The following SPAG17 variants were observed in gnomAD, a reference collection of about 807,000 sequenced individuals.
SPAG17 encodes sperm-associated antigen 17.
A neutral mutation model predicts 273.6 loss-of-function variants in SPAG17; 169 were observed. The ratio of observed to expected loss-of-function variants is 0.62; its 90% CI spans 0.55 to 0.70. The LOEUF (loss-of-function observed/expected upper bound fraction) is 0.70, where lower values mean the gene tolerates loss of function less well. Ranked by LOEUF, SPAG17 falls within the 30% of genes least tolerant of loss-of-function variation. The pLI, the probability that SPAG17 is intolerant of heterozygous loss-of-function variation, is 0.00. For synonymous variants in SPAG17, 825 were observed against 873.2 expected (o/e 0.94, Z 0.97); for missense variants, 2,557 against 2,627.8 (o/e 0.97, Z 0.59).
chr1:118,065,378 T>C (rs776683428), intron 18 of SPAG17, among the ~76,000 whole-genome samples: 4 of 152,122 alleles, frequency 2.6e-5, no homozygotes. Flanking sequence ...CAAAGGAACA[T>C]ATACCTTAAT....
At chr1:118,022,074 C>A (rs1660550576) in intron 28 of SPAG17, among the ~76,000 whole-genome samples, 1 of 151,974 alleles carries the variant, frequency 6.6e-6, no homozygotes, top group Non-Finnish European at 1.5e-5. Flanking sequence ...AGATTTAAAT[C>A]TAGATCATTA....
chr1:118,184,365 T>G (rs1371232301), intron 1 of SPAG17, among the ~76,000 whole-genome samples: 1 of 152,150 alleles, frequency 6.6e-6, no homozygotes, highest in East Asian at 1.9e-4. Flanking sequence ...GCTATTGGGC[T>G]CCTCATTTAC....
chr1:118,063,623 A>G (rs1200118314), intron 18 of SPAG17, among the ~76,000 whole-genome samples: 1 of 152,234 alleles, frequency 6.6e-6, no homozygotes, highest in Non-Finnish European at 1.5e-5. Context: ...ACCTAAAACC[A>G]TAAAAACCCT....
At chr1:118,089,029 G>A (rs1180366438) in intron 10 of SPAG17, among the ~76,000 whole-genome samples, 1 of 152,172 alleles carries the variant, frequency 6.6e-6, no homozygotes, top group African/African-American at 2.4e-5. Context: ...CTGCTTGCAT[G>A]GAGTTTATAT....
At chr1:118,118,323 G>A (rs1657211436) in intron 3 of SPAG17, among the ~76,000 whole-genome samples, 1 of 152,172 alleles carries the variant, frequency 6.6e-6, no homozygotes, top group South Asian at 2.1e-4. Flanking sequence ...GCATATGTGT[G>A]TGCACTGGGG....
chr1:117,960,570 T>C (rs1652938322), intron 48 of SPAG17: 1 of 152,256 alleles, frequency 6.6e-6, no homozygotes, highest in African/African-American at 2.4e-5. Context: ...TTGGGAGCAC[T>C]GTGATATGCA....
At chr1:117,971,257 C>A (rs1023269887) in intron 45 of SPAG17, among the ~76,000 whole-genome samples, 2 of 152,036 alleles carry the variant, frequency 1.3e-5, no homozygotes, top group East Asian at 3.9e-4. Flanking sequence ...TATGGTTTAC[C>A]GATCCAATGG....
intron 48 of SPAG17, chr1:117,960,019 G>A (rs979672616): frequency 1.3e-5 from 2 of 151,942 alleles, no homozygotes; most frequent in African/African-American, 4.8e-5. Flanking sequence ...ATTGCTAACT[G>A]TTTATACTTT....
Position 117,983,876 on chromosome 1 carries a change from G to A in SPAG17, c.5807C>T (p.Ser1936Phe), listed in dbSNP as rs1440267069. 1 of 1,612,250 alleles carries A rather than the reference G, an allele frequency of 6.2e-7. No homozygotes were observed. Among genetic ancestry groups the A allele is most frequent in the Non-Finnish European group, 8.5e-7 (1 of 1,179,094 alleles). Reference protein sequence around the residue: ...HLDSLSKKLPSFTKKNEDANE... With the variant: ...HLDSLSKKLPFFTKKNEDANE... ...TGCATCTTCATTTTTCTTTGTAAAA[G>A]AAGGCAGTTTTTTGGAAAGACTGTC... Residue 1936 changes from serine (S) to phenylalanine (F), a missense_variant, in exon 42 of 49, where the codon TCT becomes TTT. By Grantham distance (155) the Ser-to-Phe change is radical (BLOSUM62 -2). Transcript: ENST00000336338.
At chr1:118,005,392 C>T (rs1386961197) in intron 32 of SPAG17, 22 bp downstream of exon 32, 3 of 1,576,618 alleles carry the variant, frequency 1.9e-6, no homozygotes, top group Non-Finnish European at 2.6e-6. Context: ...GGCTCTCTCT[C>T]CATACCAAAG....
intron 20 of SPAG17, among the ~76,000 whole-genome samples, chr1:118,045,615 A>C (rs1006956188): frequency 2.0e-5 from 3 of 152,208 alleles, no homozygotes; most frequent in Non-Finnish European, 4.4e-5. Flanking sequence ...GTCTTATGAG[A>C]CATAAGCTTT....
In SPAG17 at chr1:118,054,353, G is replaced by GT. The variant is rs1553239853; in HGVS notation, c.2723-261dup. On this transcript the variant is annotated intron_variant, in intron 19 of 48. Transcript: ENST00000336338. ...ATGTTGCAGCTTTTATTGAACTGTA[G>GT]TCTCTCTCTCTCTCTCTAAAGCTTT... Among the ~76,000 whole-genome samples the GT allele has an allele frequency of 8.3e-4, 125 of 151,054 alleles. 4 individuals carry two copies. The South Asian group carries it at 0.025, about 30-fold the overall frequency.
At chr1:118,108,563 A>C (rs761033004) in intron 4 of SPAG17, among the ~76,000 whole-genome samples, 25 of 152,168 alleles carry the variant, frequency 1.6e-4, no homozygotes, top group Non-Finnish European at 2.8e-4. Context: ...TTAGCTCACA[A>C]CTTTAAAAAT....
Position 118,073,929 on chromosome 1 carries a change from G to T in SPAG17, c.2310C>A (p.Asp770Glu). Residue 770 changes from aspartate to glutamate, a missense_variant, in exon 17 of 49, where the codon GAC (aspartate) becomes GAA (glutamate). Transcript: ENST00000336338. ...KKMMVEADLE[D>E]IKKTQQRSLM... is the part of the protein sequence containing the mutation. ...GACTGCGCTGCTGTGTTTTCTTTAT[G>T]TCCTCTAAATCTGCTTCCACCATCA... 6.4e-7 allele frequency: 1 copy of T among 1,570,808 alleles called. No homozygotes were observed. The highest frequency in any genetic ancestry group is 1.4e-5 in the African/African-American group (1 of 71,380).
chr1:117,992,446 G>A lies in SPAG17; in HGVS notation c.5361+20C>T, dbSNP rs746773254. The A allele has an allele frequency of 2.7e-5, 42 of 1,572,974 alleles. 1 individual carries two copies. The South Asian group carries it at 4.7e-4, about 18-fold the overall frequency. ...CTCTGTTTCTGATTCTTTTGGGTCA[G>A]GTCACCTAGATTCCATTACCTTAAG... On this transcript the variant is annotated intron_variant, in intron 36 of 48. Coordinates refer to ENST00000336338, the MANE Select transcript of SPAG17 (RefSeq NM_206996.4).
intron 28 of SPAG17, among the ~76,000 whole-genome samples, chr1:118,022,048 G>T (rs10494203): frequency 0.069 from 10,534 of 152,096 alleles, 569 homozygotes; most frequent in East Asian, 0.31. Flanking sequence ...CAAAAAAGGA[G>T]TAAATCCAGG....
intron 12 of SPAG17, 111 bp from the exon 13 acceptor site, chr1:118,086,183 G>T: frequency 9.9e-7 from 1 of 1,012,896 alleles, no homozygotes; most frequent in Non-Finnish European, 1.4e-6. Flanking sequence ...TGGGAACAGG[G>T]GAAATCAATG....
chr1:118,031,644 C>T (rs552100001), intron 25 of SPAG17, 48 bp downstream of exon 25: 2 of 1,587,328 alleles, frequency 1.3e-6, no homozygotes, highest in South Asian at 1.1e-5. Context: ...AAAAAGTTAA[C>T]ACTGAAGCAG....
At chr1:118,147,361 A>T (rs776241713) in intron 3 of SPAG17, among the ~76,000 whole-genome samples, 17 of 152,214 alleles carry the variant, frequency 1.1e-4, no homozygotes, top group Admixed American at 9.8e-4. Context: ...TAGGATTCAC[A>T]TGTGGGAAAT....
Sources: gnomAD v4.1 joint callset for allele counts (sites outside exome capture counted in the v4.1 genomes callset) on GRCh38, gnomAD v4.1.1 for gene constraint, MANE v1.5 for transcripts, NCBI Gene and HGNC (gene_info 2026-07-23, HGNC 2026-07-21) for gene names.